Variants in CDH4 observed in about 807,000 individuals in gnomAD.
The protein encoded by CDH4 is cadherin-4.
In CDH4, 33 loss-of-function variants were observed where a neutral mutation model predicts 86.0. That is an observed-to-expected ratio of 0.38 (90% CI 0.29 to 0.51). The LOEUF is 0.51. Ranked by LOEUF, CDH4 falls within the 20% of genes least tolerant of loss-of-function variation. The pLI is 0.86. For missense variants in CDH4, 1,114 were observed against 1,307.4 expected (o/e 0.85, Z 2.28); for synonymous variants, 555 against 549.4 (o/e 1.01, Z -0.14).
At chr20:61,694,805 G>T (rs1041428374) in intron 2 of CDH4, among the ~76,000 whole-genome samples, 1 of 152,214 alleles carries the variant, frequency 6.6e-6, no homozygotes, top group Non-Finnish European at 1.5e-5. Flanking sequence ...TTTCTCCTCT[G>T]CACGGGAGCC....
intron 4 of CDH4, among the ~76,000 whole-genome samples, chr20:61,813,863 G>A (rs952080436): frequency 4.6e-5 from 7 of 152,146 alleles, no homozygotes; most frequent in East Asian, 1.9e-4. Context: ...TACCCCTGCC[G>A]CACAAACCCT....
intron 2 of CDH4, among the ~76,000 whole-genome samples, chr20:61,730,085 T>A (rs2088160687): frequency 1.3e-5 from 2 of 152,302 alleles, no homozygotes; most frequent in South Asian, 4.2e-4. Flanking sequence ...GTTGTTAACG[T>A]CTTGCATTCG....
chr20:61,809,105 G>A (rs550494801), intron 4 of CDH4, among the ~76,000 whole-genome samples: 19 of 152,356 alleles, frequency 1.2e-4, no homozygotes, highest in Non-Finnish European at 2.6e-4. Context: ...GTGGCCAGGG[G>A]TCCTCTGGAC....
intron 2 of CDH4, among the ~76,000 whole-genome samples, chr20:61,278,897 A>G (rs1035643024): frequency 3.3e-5 from 5 of 152,228 alleles, no homozygotes; most frequent in African/African-American, 1.2e-4. Context: ...TGGCAATGGC[A>G]AGTATTCTTA....
At chr20:61,577,825 A>G (rs1001202047) in intron 2 of CDH4, among the ~76,000 whole-genome samples, 1 of 152,204 alleles carries the variant, frequency 6.6e-6, no homozygotes, top group Non-Finnish European at 1.5e-5. Context: ...CTATGTCTTG[A>G]CATAATGAAC....
chr20:61,332,866 G>A (rs1269670361), intron 2 of CDH4, among the ~76,000 whole-genome samples: 2 of 152,246 alleles, frequency 1.3e-5, no homozygotes, highest in Non-Finnish European at 1.5e-5. Context: ...GGAGAAGGCT[G>A]TGGTCACAGT....
At chr20:61,823,072 C>A (rs1230381108) in intron 4 of CDH4, among the ~76,000 whole-genome samples, 1 of 152,136 alleles carries the variant, frequency 6.6e-6, no homozygotes, top group African/African-American at 2.4e-5. Flanking sequence ...CAGTTCCGGT[C>A]CCAAAACTGT....
At position 61,649,635 on chromosome 20, in the gene CDH4, G is replaced by A. The variant is rs377591424; in HGVS notation, c.170-93928G>A. 2.2e-4 allele frequency among the ~76,000 whole-genome samples: 34 copies of A among 152,174 alleles called. 1 individual carries two copies. The highest frequency in any genetic ancestry group is 8.5e-4 in the Admixed American group (13 of 15,286). On this transcript the variant is annotated intron_variant, in intron 2 of 15. Transcript: ENST00000614565. ...GAGACTTGTAGGCTTGACTCCTGCC[G>A]GGAGCGCGCGTGGCTGAACGGGGGC...
intron 2 of CDH4, among the ~76,000 whole-genome samples, chr20:61,729,390 C>A (rs1475820284): frequency 6.6e-6 from 1 of 152,200 alleles, no homozygotes; most frequent in East Asian, 1.9e-4. Context: ...CAGAATGTGG[C>A]CCTTCCCTGC....
At chr20:61,412,091 T>C (rs1216887173) in intron 2 of CDH4, among the ~76,000 whole-genome samples, 2 of 152,240 alleles carry the variant, frequency 1.3e-5, no homozygotes, top group Non-Finnish European at 2.9e-5. Flanking sequence ...AACCCTCCTC[T>C]GCAGGCACCA....
At chr20:61,448,197 C>T (rs79803015) in intron 2 of CDH4, among the ~76,000 whole-genome samples, 131 of 152,360 alleles carry the variant, frequency 8.6e-4, no homozygotes, top group African/African-American at 3.0e-3. Flanking sequence ...GACATTTGCA[C>T]TTAATTCCTT....
At chr20:61,645,674 G>A (rs1393726542) in intron 2 of CDH4, among the ~76,000 whole-genome samples, 1 of 151,514 alleles carries the variant, frequency 6.6e-6, no homozygotes, top group Non-Finnish European at 1.5e-5. Flanking sequence ...TGGTGCTTCT[G>A]CAGTGCAGGG....
intron 2 of CDH4, among the ~76,000 whole-genome samples, chr20:61,643,967 A>T (rs777732158): frequency 1.3e-5 from 2 of 152,260 alleles, no homozygotes; most frequent in Non-Finnish European, 2.9e-5. Flanking sequence ...GAGTGGTAGA[A>T]TTCAACTCTG....
At chr20:61,550,227 G>C (rs1427306069) in intron 2 of CDH4, among the ~76,000 whole-genome samples, 1 of 141,540 alleles carries the variant, frequency 7.1e-6, no homozygotes, top group African/African-American at 2.6e-5. Flanking sequence ...TGGCCTCCCT[G>C]CCCCAACTTC....
intron 2 of CDH4, among the ~76,000 whole-genome samples, chr20:61,629,447 C>T (rs983020556): frequency 1.3e-5 from 2 of 152,160 alleles, no homozygotes; most frequent in African/African-American, 4.8e-5. Flanking sequence ...TTAAAATTCC[C>T]CAAGGCAAAA....
intron 2 of CDH4, among the ~76,000 whole-genome samples, chr20:61,695,965 C>T (rs2087711112): frequency 6.6e-6 from 1 of 152,338 alleles, no homozygotes; most frequent in African/African-American, 2.4e-5. Flanking sequence ...GACCAGCCCC[C>T]TCCATGAGGC....
At chr20:61,698,743 C>G (rs937501055) in intron 2 of CDH4, among the ~76,000 whole-genome samples, 2 of 152,226 alleles carry the variant, frequency 1.3e-5, no homozygotes, top group Admixed American at 6.5e-5. Context: ...TAGACCCCCC[C>G]GCAGTGTGAC....
chr20:61,848,509 C>CT (rs1281887029), intron 5 of CDH4, among the ~76,000 whole-genome samples: 2 of 139,826 alleles, frequency 1.4e-5, no homozygotes, highest in East Asian at 4.1e-4. Context: ...GTACCTAGGA[C>CT]TTTTTTTATT....
intron 2 of CDH4, among the ~76,000 whole-genome samples, chr20:61,679,761 G>A (rs2087488823): frequency 6.6e-6 from 1 of 152,188 alleles, no homozygotes; most frequent in East Asian, 1.9e-4. Context: ...TAGGAAGGAC[G>A]TTCTGGTTTC....
Sources: gnomAD v4.1 joint callset for allele counts (sites outside exome capture counted in the v4.1 genomes callset) on GRCh38, gnomAD v4.1.1 for gene constraint, MANE v1.5 for transcripts, NCBI Gene and HGNC (gene_info 2026-07-23, HGNC 2026-07-21) for gene names.